Variants in IARS1 observed in about 807,000 individuals in gnomAD.
The protein encoded by IARS1 is isoleucyl-tRNA synthetase 1.
IARS1 carries 124 observed loss-of-function variants against 168.2 expected under a neutral mutation model. The observed-to-expected ratio is 0.74, with a 90% confidence interval of 0.64 to 0.86. The LOEUF (loss-of-function observed/expected upper bound fraction) is 0.86. Among genes scored for constraint, IARS1 ranks in the 40% least tolerant of loss-of-function variants. IARS1 has a pLI of 0.00. For missense variants in IARS1, 1,452 were observed against 1,515.8 expected, an observed-to-expected ratio of 0.96 and a Z score of 0.70; for synonymous variants, 532 against 529.4, an observed-to-expected ratio of 1.00 and a Z score of -0.07.
rs780569758 is a variant in IARS1 at position 92,247,510 on chromosome 9, G to GC, written c.2657_2658insG (p.Asn886LysfsTer25). 4 of 1,614,124 alleles carry GC rather than the reference G, an allele frequency of 2.5e-6. No individual in the cohort carries two copies. The East Asian group carries it at 8.9e-5, about 36-fold the overall frequency. On this transcript the variant is annotated frameshift_variant, in exon 26 of 34. Coordinates refer to ENST00000443024, the MANE Select transcript of IARS1 (RefSeq NM_002161.6). LOFTEE classifies it high-confidence loss of function. The stretch of plus-strand genomic sequence containing the variant: ...CTGCCCTTAGCCGAATGCCATACTT[G>GC]TTTTTATCTGTAGACAGTGTAACTT...
In IARS1 at chr9:92,222,614, T is replaced by C. The variant is rs139343089; in HGVS notation, c.3612A>G (p.Gly1204=). The C allele has an allele frequency of 1.1e-4, 172 of 1,613,654 alleles. No individual in the cohort carries two copies. Among genetic ancestry groups the C allele is most frequent in the African/African-American group, 6.6e-4 (49 of 74,784 alleles). ...CATACAGAAGACCTTGGTGGGTGAG[T>C]CCATTCTGCCCAAGTGGGTTTTCAA... The part of the protein sequence containing the change: ...LLLENPLGQN[G]LTHQGLLYEA... Residue 1204 remains glycine (G), a synonymous_variant, in exon 33 of 34, where the codon GGA becomes GGG. Transcript: ENST00000443024.
chr9:92,235,833 T>C (rs1295454777), intron 30 of IARS1, among the ~76,000 whole-genome samples: 3 of 151,990 alleles, frequency 2.0e-5, no homozygotes, highest in Non-Finnish European at 2.9e-5. Flanking sequence ...ACTAGATTGA[T>C]TTTTAAATAT....
rs1480346647 is a variant in IARS1, at chr9:92,271,605, G to C, written c.1041C>G (p.Leu347=). The stretch of plus-strand genomic sequence containing the variant: ...CTGAAGCATCCACAGGGCAAACAGG[G>C]AGTGAGTCTTTCCGAATAATGTTAA... ...MDFNIIRKDS[L]PVCPVDASGC... The change falls in exon 11 of 34, where the codon CTC becomes CTG. Residue 347 remains leucine (L), a synonymous_variant. Transcript: ENST00000443024. The C allele has an allele frequency of 6.2e-7, 1 of 1,614,078 alleles. No homozygotes were observed. The highest frequency in any genetic ancestry group is 8.5e-7 in the Non-Finnish European group (1 of 1,179,954).
chr9:92,222,421 A>C, intron 33 of IARS1, 99 bp downstream of exon 33: 1 of 690,522 alleles, frequency 1.4e-6, no homozygotes, highest in Non-Finnish European at 2.3e-6. Context: ...AAACAGGATA[A>C]CAATAGTACT....
At chr9:92,217,470 T>C (rs1043186578) in intron 33 of IARS1, among the ~76,000 whole-genome samples, 12 of 140,278 alleles carry the variant, frequency 8.6e-5, no homozygotes, top group Non-Finnish European at 1.8e-4. Flanking sequence ...CTTCAAAAAA[T>C]TAATGAATCC....
intron 6 of IARS1, among the ~76,000 whole-genome samples, chr9:92,285,380 C>A (rs1835280860): frequency 6.6e-6 from 1 of 152,080 alleles, no homozygotes; most frequent in Non-Finnish European, 1.5e-5. Flanking sequence ...CCAGATAAGG[C>A]ATAAAATTAC....
At chr9:92,268,847 C>T (rs1832650479) in intron 13 of IARS1, among the ~76,000 whole-genome samples, 2 of 152,166 alleles carry the variant, frequency 1.3e-5, no homozygotes, top group Admixed American at 6.5e-5. Context: ...CCCTCTGACA[C>T]GCAGCTTCCC....
chr9:92,227,115 G>A (rs1449197327), intron 31 of IARS1, among the ~76,000 whole-genome samples: 1 of 136,986 alleles, frequency 7.3e-6, no homozygotes, highest in African/African-American at 2.8e-5. Context: ...AGAGCACAGG[G>A]TTGGGGGTAA....
rs1587768025 is a variant in IARS1, at chr9:92,242,226, G to A, written c.3105C>T (p.Thr1035=). 1.2e-6 allele frequency: 2 copies of A among 1,613,910 alleles called. No individual in the cohort carries two copies. The highest frequency in any genetic ancestry group is 1.7e-6 in the Non-Finnish European group (2 of 1,179,822). ...VIESHTEFIF[T]TIKAPLKPYP... is the part of the protein sequence containing the mutation. ...ATGGTTTCAAGGGAGCCTTTATGGT[G>A]GTAAATATGAACTCTGTGTGGCTTT... Residue 1035 remains threonine, a synonymous_variant, in exon 29 of 34, where the codon ACC becomes ACT. Transcript: ENST00000443024.
rs768424457 is a variant in IARS1 at position 92,278,228 on chromosome 9, T to A, written c.804A>T (p.Lys268Asn). The A allele has an allele frequency of 6.2e-7, 1 of 1,611,488 alleles. No individual in the cohort carries two copies. Among genetic ancestry groups the A allele is most frequent in the East Asian group, 2.2e-5 (1 of 44,878 alleles). Residue 268 changes from lysine (K) to asparagine (N), a missense_variant, in exon 8 of 34, where the codon AAA becomes AAT. Coordinates refer to ENST00000443024, the MANE Select transcript of IARS1 (RefSeq NM_002161.6). ...LMEARLSALY[K>N]LESDYEILER... ...CAAGGATCTCATAGTCACTCTCCAA[T>A]TTATAGAGGGCTGACAATCTGGCTT... is the stretch of plus-strand genomic sequence containing the variant.
intron 30 of IARS1, among the ~76,000 whole-genome samples, chr9:92,238,352 T>C (rs1827861884): frequency 6.6e-6 from 1 of 152,234 alleles, no homozygotes; most frequent in South Asian, 2.1e-4. Context: ...TGCCGATCCC[T>C]CATGAATGGC....
chr9:92,271,164 A>G, intron 11 of IARS1, 88 bp from the exon 12 acceptor site: 1 of 723,372 alleles, frequency 1.4e-6, no homozygotes, highest in African/African-American at 1.8e-5. Context: ...CTTGTTATGA[A>G]TAAAAGGCAC....
In IARS1 at chr9:92,229,007, C is replaced by T. The variant is rs748886588; in HGVS notation, c.3403G>A (p.Glu1135Lys). 1.9e-6 allele frequency: 3 copies of T among 1,614,088 alleles called. No individual in the cohort carries two copies. The highest frequency in any genetic ancestry group is 2.5e-6 in the Non-Finnish European group (3 of 1,180,020). ...CCTCTCACTTTCCACATACCTGTTTCATCATGGAAGACAGCCAGCTCTGTA... is the reference window on the plus strand; with the variant it reads ...CCTCTCACTTTCCACATACCTGTTTTATCATGGAAGACAGCCAGCTCTGTA... ...KNTELAVFHD[E>K]TEIQNQTDLL... The change falls in exon 31 of 34, where the codon GAA becomes AAA. Residue 1135 changes from glutamate (E) to lysine (K), a missense_variant. Coordinates refer to ENST00000443024, the MANE Select transcript of IARS1 (RefSeq NM_002161.6).
At chr9:92,226,803 C>A (rs1285807034) in intron 31 of IARS1, among the ~76,000 whole-genome samples, 1 of 151,248 alleles carries the variant, frequency 6.6e-6, no homozygotes. Context: ...CACATGGCCA[C>A]CTTCTTTTTT....
At chr9:92,219,285 T>A (rs932527541) in intron 33 of IARS1, among the ~76,000 whole-genome samples, 3 of 152,142 alleles carry the variant, frequency 2.0e-5, no homozygotes, top group Non-Finnish European at 4.4e-5. Context: ...GATTAAAGAC[T>A]TAAACATTAG....
Position 92,250,277 on chromosome 9 carries a change from A to C in IARS1, c.2442T>G (p.Ile814Met), listed in dbSNP as rs1829823180. 1 of 1,600,064 alleles carries C rather than the reference A, an allele frequency of 6.2e-7. No individual in the cohort carries two copies. Among genetic ancestry groups the C allele is most frequent in the East Asian group, 2.2e-5 (1 of 44,812 alleles). ...ATACTGCACTCTCTGTTTTCTTGTC[A>C]ATCAATTCTTCTCTGAGTGGTAGAG... is the stretch of plus-strand genomic sequence containing the variant. ...LMLPRVREEL[I>M]DKKTESAVSQ... Residue 814 changes from isoleucine to methionine, a missense_variant, in exon 24 of 34, where the codon ATT becomes ATG. By Grantham distance (10) the Ile-to-Met change is conservative (BLOSUM62 1). Coordinates refer to ENST00000443024, the MANE Select transcript of IARS1 (RefSeq NM_002161.6).
At position 92,258,925 on chromosome 9, in the gene IARS1, G is replaced by A. The variant is rs751237676; in HGVS notation, c.1945C>T (p.Leu649Phe). ...RFKEEGVRDV[L>F]KDVLLPWYNA... The stretch of plus-strand genomic sequence containing the variant: ...TACCATGGGAGCAGTACATCCTTAA[G>A]GACGTCCCGCACACCCTCTTCTTTA... Residue 649 changes from leucine (L) to phenylalanine (F), a missense_variant, in exon 19 of 34, where the codon CTT becomes TTT. Transcript: ENST00000443024. 5 of 1,613,890 alleles carry A rather than the reference G, an allele frequency of 3.1e-6. No individual in the cohort carries two copies. The highest frequency in any genetic ancestry group is 1.1e-5 in the South Asian group (1 of 91,080).
chr9:92,229,253 C>T (rs1229948419), intron 30 of IARS1, 127 bp from the exon 31 acceptor site: 1 of 780,690 alleles, frequency 1.3e-6, no homozygotes, highest in Non-Finnish European at 2.0e-6. Flanking sequence ...CAACTATACA[C>T]TATATATATG....
At chr9:92,213,943 C>G (rs922017851) in intron 33 of IARS1, among the ~76,000 whole-genome samples, 1 of 152,042 alleles carries the variant, frequency 6.6e-6, no homozygotes, top group African/African-American at 2.4e-5. Flanking sequence ...TCCCAAGTAG[C>G]TGGGATTACA....
Sources: allele counts gnomAD v4.1 joint callset (sites outside exome capture counted in the v4.1 genomes callset), GRCh38; gene constraint gnomAD v4.1.1; transcripts MANE v1.5; gene names NCBI Gene and HGNC (gene_info 2026-07-23, HGNC 2026-07-21).